The following VPS4A variants were observed in gnomAD, a reference collection of about 807,000 sequenced individuals.
VPS4A encodes vacuolar protein sorting 4 homolog A, also known as vacuolar protein sorting-associated protein 4A.
A neutral mutation model predicts 52.3 loss-of-function variants in VPS4A; 20 were observed. The observed-to-expected ratio is 0.38, with a 90% CI of 0.27 to 0.56. VPS4A has a LOEUF of 0.56. Ranked by LOEUF, VPS4A falls within the 20% of genes least tolerant of loss-of-function variation. VPS4A has a pLI of 0.72. For synonymous variants in VPS4A, 293 were observed against 227.7 expected (o/e 1.29, Z -2.58); for missense variants, 419 against 575.9 (o/e 0.73, Z 2.79).
At position 69,314,219 on chromosome 16, in the gene VPS4A, C is replaced by T. The variant is rs976022170; in HGVS notation, c.22-1789C>T. On this transcript the variant is annotated intron_variant, in intron 1 of 10. Coordinates refer to ENST00000254950, the MANE Select transcript of VPS4A (RefSeq NM_013245.3). Reference sequence around the variant, plus strand: ...TGACCTCCGGTGATCCGCCCGCCTCCGCGTCCCAAAGTGCTGGGATTACAG... The same window carrying T: ...TGACCTCCGGTGATCCGCCCGCCTCTGCGTCCCAAAGTGCTGGGATTACAG... Among the ~76,000 whole-genome samples the T allele has an allele frequency of 5.3e-5, 8 of 151,946 alleles. No individual in the cohort carries two copies. In the East Asian group the frequency reaches 5.8e-4, roughly 11 times the overall value.
chr16:69,323,821 G>A (rs1452126371), intron 10 of VPS4A: 5 of 371,464 alleles, frequency 1.3e-5, no homozygotes, highest in African/African-American at 6.3e-5. Context: ...GTGGTGGCAC[G>A]TGCCTGTAGT....
Position 69,322,537 on chromosome 16 carries a change from C to T in VPS4A, c.1072-23C>T, listed in dbSNP as rs767605920. 1.9e-6 allele frequency: 3 copies of T among 1,603,392 alleles called. No individual in the cohort carries two copies. In the African/African-American group the frequency reaches 4.0e-5, roughly 21 times the overall value. Reference sequence around the variant, plus strand: ...CTCTGACACTGAGGGGCAGCTGCCCCAGTCAGATCCATTTGGTTTCAGGTC... The same window carrying T: ...CTCTGACACTGAGGGGCAGCTGCCCTAGTCAGATCCATTTGGTTTCAGGTC... On this transcript the variant is annotated intron_variant, in intron 9 of 10. Transcript: ENST00000254950.
At position 69,322,553 on chromosome 16, in the gene VPS4A, G is replaced by T. The variant is rs1965527040; in HGVS notation, c.1072-7G>T. On this transcript the variant is annotated splice_region_variant and splice_polypyrimidine_tract_variant and intron_variant, in intron 9 of 10. Transcript: ENST00000254950. Reference sequence around the variant, plus strand: ...CAGCTGCCCCAGTCAGATCCATTTGGTTTCAGGTCTGTGGCCCCTCTCGCA... The same window carrying T: ...CAGCTGCCCCAGTCAGATCCATTTGTTTTCAGGTCTGTGGCCCCTCTCGCA... 2.5e-6 allele frequency: 4 copies of T among 1,611,066 alleles called. No individual in the cohort carries two copies. In the South Asian group the frequency reaches 3.3e-5, roughly 13 times the overall value.
At chr16:69,323,479 A>C (rs573760752) in intron 10 of VPS4A, 1 of 344,284 alleles carries the variant, frequency 2.9e-6, no homozygotes. Context: ...TTTAGCAAGT[A>C]AAGTCAGGTC....
At chr16:69,318,009 T>C (rs1345471478) in intron 3 of VPS4A, among the ~76,000 whole-genome samples, 1 of 6,710 alleles carries the variant, frequency 1.5e-4, no homozygotes. Flanking sequence ...TTGACTGGCT[T>C]TTTTTTTTTT....
At chr16:69,313,401 C>G (rs1965400739) in intron 1 of VPS4A, among the ~76,000 whole-genome samples, 1 of 152,078 alleles carries the variant, frequency 6.6e-6, no homozygotes, top group African/African-American at 2.4e-5. Context: ...ACCCCTCACC[C>G]ACAACCCCTC....
intron 1 of VPS4A, among the ~76,000 whole-genome samples, chr16:69,313,734 C>G (rs1291044070): frequency 6.6e-6 from 1 of 152,170 alleles, no homozygotes; most frequent in Non-Finnish European, 1.5e-5. Context: ...TGAGTCGTTG[C>G]TACAGAGATT....
At chr16:69,323,673 G>A (rs2143271835) in intron 10 of VPS4A, 4 of 455,752 alleles carry the variant, frequency 8.8e-6, no homozygotes, top group East Asian at 7.0e-5. Flanking sequence ...CTCCTGGCCG[G>A]GCGCCGTGGC....
intron 10 of VPS4A, chr16:69,323,577 A>T: frequency 2.2e-6 from 1 of 453,012 alleles, no homozygotes; most frequent in African/African-American, 2.0e-5. Context: ...TTGCAAAGGC[A>T]GCGCCTCACC....
intron 3 of VPS4A, among the ~76,000 whole-genome samples, chr16:69,317,022 C>T (rs1255828342): frequency 2.0e-5 from 3 of 151,868 alleles, no homozygotes; most frequent in African/African-American, 4.8e-5. Context: ...ATCTCGGAGG[C>T]GTGGGAGGGG....
intron 10 of VPS4A, among the ~76,000 whole-genome samples, 161 bp from the exon 11 acceptor site, chr16:69,324,047 A>T (rs1965551489): frequency 6.6e-6 from 1 of 151,982 alleles, no homozygotes; most frequent in African/African-American, 2.4e-5. Context: ...AGCTGCCTCG[A>T]GAGGGAAGAG....
intron 5 of VPS4A, 37 bp downstream of exon 5, chr16:69,318,979 T>A: frequency 6.2e-7 from 1 of 1,601,250 alleles, no homozygotes; most frequent in Non-Finnish European, 8.5e-7. Context: ...AATGTAAAAA[T>A]TCCAGGCTTC....
chr16:69,323,965 A>AAG (rs1567425664), intron 10 of VPS4A, among the ~76,000 whole-genome samples: 3 of 150,996 alleles, frequency 2.0e-5, no homozygotes, highest in Non-Finnish European at 4.4e-5. Flanking sequence ...AAAAAAAAAA[A>AAG]GAAAGCAAGT....
At chr16:69,315,933 C>T (rs536194410) in intron 1 of VPS4A, 75 bp from the exon 2 acceptor site, 33 of 1,294,580 alleles carry the variant, frequency 2.5e-5, no homozygotes, top group Non-Finnish European at 2.2e-6. Flanking sequence ...CGTCACGTTT[C>T]ATCCCCATGC....
At position 69,316,341 on chromosome 16, in the gene VPS4A, C is replaced by G. The variant is rs1278441821; in HGVS notation, c.250C>G (p.Pro84Ala). Reference sequence around the variant, plus strand: ...AAGCAAAGAGAAACACGGCAAGAAGCCAGTCAAAGAGAACCAGAGTGAGGG... The same window carrying G: ...AAGCAAAGAGAAACACGGCAAGAAGGCAGTCAAAGAGAACCAGAGTGAGGG... ...LRSKEKHGKK[P>A]VKENQSEGKG... Residue 84 changes from proline (P) to alanine (A), a missense_variant, in exon 3 of 11, where the codon CCA becomes GCA. This residue lies in a region of VPS4A where 131 missense variants were observed against 165.4 expected (regional missense o/e 0.79). Coordinates refer to ENST00000254950, the MANE Select transcript of VPS4A (RefSeq NM_013245.3). The G allele has an allele frequency of 1.2e-6, 2 of 1,613,704 alleles. No individual in the cohort carries two copies. Among genetic ancestry groups the G allele is most frequent in the African/African-American group, 2.7e-5 (2 of 74,926 alleles).
chr16:69,318,459 G>C (rs930112022), intron 3 of VPS4A, among the ~76,000 whole-genome samples, 191 bp from the exon 4 acceptor site: 6 of 152,246 alleles, frequency 3.9e-5, no homozygotes. Context: ...TGCTGGGGGG[G>C]TCCTGAAGTG....
intron 10 of VPS4A, chr16:69,323,420 G>A (rs1965537894): frequency 6.6e-6 from 2 of 302,948 alleles, no homozygotes; most frequent in South Asian, 2.6e-5. Context: ...AAAGTGCTGG[G>A]ATTACAAGCA....
chr16:69,319,855 C>T (rs1158269553), intron 6 of VPS4A, among the ~76,000 whole-genome samples: 5 of 152,162 alleles, frequency 3.3e-5, no homozygotes, highest in African/African-American at 4.8e-5. Flanking sequence ...TCCTGTTTTG[C>T]GTGTGATGAG....
In VPS4A at chr16:69,320,406, C is replaced by G; in HGVS notation, c.769+117C>G. The stretch of plus-strand genomic sequence containing the variant: ...TCAGCCTCGGAGAGGCACTCCCCAG[C>G]TCCAGCCCCTCAGGGCACGGGTGGA... On this transcript the variant is annotated intron_variant, in intron 7 of 10. Coordinates refer to ENST00000254950, the MANE Select transcript of VPS4A (RefSeq NM_013245.3). This position sits in a 1 kb window ranked among gnomAD's most constrained non-coding sequence, Gnocchi z 4.2. 3.5e-6 allele frequency: 5 copies of G among 1,441,456 alleles called. No homozygotes were observed. Among genetic ancestry groups the G allele is most frequent in the Non-Finnish European group, 4.7e-6 (5 of 1,066,134 alleles). 89.3% of individuals were successfully genotyped at this position (1,441,456 alleles called of 1,614,324 possible).
Sources: allele counts gnomAD v4.1 joint callset (sites outside exome capture counted in the v4.1 genomes callset), GRCh38; gene constraint gnomAD v4.1.1; regional missense constraint gnomAD v4.1.1; non-coding constraint Gnocchi (gnomAD v3.1); transcripts MANE v1.5; gene names NCBI Gene and HGNC (gene_info 2026-07-23, HGNC 2026-07-21).